The following NTRK1 variants were observed in gnomAD, a reference collection of about 807,000 sequenced individuals.
The protein encoded by NTRK1 is high affinity nerve growth factor receptor.
In NTRK1, 62 loss-of-function variants were observed where a neutral mutation model predicts 86.8. The ratio of observed to expected loss-of-function variants is 0.71; its 90% CI spans 0.58 to 0.88. The LOEUF (loss-of-function observed/expected upper bound fraction) is 0.88, where lower values mean the gene tolerates loss of function less well. NTRK1 is among the 40% of genes least tolerant of loss of function. The pLI is 0.00. For missense variants in NTRK1, 967 were observed against 1,078.4 expected (o/e 0.90, Z 1.45); for synonymous variants, 469 against 456.6 (o/e 1.03, Z -0.35).
chr1:156,868,518 G>A lies in NTRK1; in HGVS notation c.588G>A (p.Leu196=), dbSNP rs971243513. 1 of 1,558,984 alleles carries A rather than the reference G, an allele frequency of 6.4e-7. No homozygotes were observed. Among genetic ancestry groups the A allele is most frequent in the Non-Finnish European group, 8.7e-7 (1 of 1,151,192 alleles). The change falls in exon 6 of 17, where the codon CTG becomes CTA. Residue 196 remains leucine (L), a synonymous_variant. Transcript: ENST00000524377. The stretch of plus-strand genomic sequence containing the variant: ...CTGGGTGGCCAGGTGTGCCCACGCT[G>A]AAGGTCCAGGTGCCCAATGCCTCGG... The part of the protein sequence containing the change: ...MPNASCGVPT[L]KVQVPNASVD...
At chr1:156,847,837 C>T (rs762549342) in intron 2 of NTRK1, among the ~76,000 whole-genome samples, 3 of 152,094 alleles carry the variant, frequency 2.0e-5, no homozygotes, top group Non-Finnish European at 4.4e-5. Flanking sequence ...GTTAGGGAAG[C>T]TTGTTGAAGG....
chr1:156,816,632 C>G (rs1653964660), intron 1 of NTRK1: 4 of 1,588,482 alleles, frequency 2.5e-6, no homozygotes, highest in Non-Finnish European at 3.4e-6. Flanking sequence ...GGATGGGGGT[C>G]TTTGTGCCCC....
intron 1 of NTRK1, among the ~76,000 whole-genome samples, chr1:156,818,633 G>A (rs986855708): frequency 1.3e-5 from 2 of 152,168 alleles, no homozygotes; most frequent in Non-Finnish European, 2.9e-5. Context: ...CTCCAACCAA[G>A]ATACTGCAAA....
intron 15 of NTRK1, 139 bp downstream of exon 15, chr1:156,879,501 C>T (rs978391980): frequency 1.2e-5 from 14 of 1,160,752 alleles, no homozygotes; most frequent in Non-Finnish European, 1.7e-5. Flanking sequence ...CAACCTACCT[C>T]CTCGGCTCCT....
intron 2 of NTRK1, chr1:156,843,211 C>T (rs1322507662): frequency 6.2e-7 from 1 of 1,614,132 alleles, no homozygotes; most frequent in Non-Finnish European, 8.5e-7. Context: ...CCCGAGGCAC[C>T]TCCCATTCAT....
intron 1 of NTRK1, 21 bp downstream of exon 1, chr1:156,861,167 G>C (rs746647734): frequency 1.4e-5 from 21 of 1,537,658 alleles, no homozygotes; most frequent in Middle Eastern, 2.0e-4. Flanking sequence ...GGCGGGCGGT[G>C]GGGGGGCGCG....
intron 3 of NTRK1, among the ~76,000 whole-genome samples, chr1:156,866,422 G>A (rs1049170074): frequency 6.6e-6 from 1 of 152,184 alleles, no homozygotes; most frequent in Non-Finnish European, 1.5e-5. Context: ...CCCTGAGGAG[G>A]GCCCGGAAGG....
chr1:156,861,093 TG>T lies in NTRK1; in HGVS notation c.163del (p.Ala55ProfsTer14). ...CCTCGGGACTGCGATGCACCCGGGATGGGGCCCTGGATAGCCTCCACCACCT... is the reference window on the plus strand; with the variant it reads ...CCTCGGGACTGCGATGCACCCGGGATGGGCCCTGGATAGCCTCCACCACCT... ...GSSGLRCTRD[G>X]ALDSLHHLPG... On this transcript the variant is annotated frameshift_variant, in exon 1 of 17. Coordinates refer to ENST00000524377, the MANE Select transcript of NTRK1 (RefSeq NM_002529.4). LOFTEE classifies it high-confidence loss of function. 1 of 1,584,532 alleles carries T rather than the reference TG, an allele frequency of 6.3e-7. No homozygotes were observed. The highest frequency in any genetic ancestry group is 8.6e-7 in the Non-Finnish European group (1 of 1,169,492).
intron 1 of NTRK1, among the ~76,000 whole-genome samples, chr1:156,820,107 C>T (rs1164625445): frequency 2.6e-5 from 4 of 152,050 alleles, no homozygotes; most frequent in Non-Finnish European, 5.9e-5. Context: ...ATGGTTTCAG[C>T]CCTGAGATTT....
chr1:156,878,994 C>G, intron 14 of NTRK1, 128 bp from the exon 15 acceptor site: 3 of 1,092,104 alleles, frequency 2.7e-6, no homozygotes, highest in Non-Finnish European at 4.0e-6. Flanking sequence ...CTCTACTGTT[C>G]TCTCAATCCT....
intron 2 of NTRK1, among the ~76,000 whole-genome samples, chr1:156,850,838 T>G (rs1224002961): frequency 1.3e-5 from 2 of 151,610 alleles, no homozygotes; most frequent in African/African-American, 4.9e-5. Flanking sequence ...ATTACAGGTG[T>G]GAGCCACCGT....
chr1:156,826,536 G>A (rs932715823), intron 1 of NTRK1, among the ~76,000 whole-genome samples: 4 of 152,040 alleles, frequency 2.6e-5, no homozygotes, highest in East Asian at 3.9e-4. Flanking sequence ...TGATCCGCCC[G>A]CCTCGGCCTC....
In NTRK1 at chr1:156,866,796, G is replaced by A. The variant is rs972431768; in HGVS notation, c.360-114G>A. On this transcript the variant is annotated intron_variant, in intron 3 of 16. Coordinates refer to ENST00000524377, the MANE Select transcript of NTRK1 (RefSeq NM_002529.4). ...AGGGCTGGTTCTGGTTGCCTAGGCC[G>A]GGGCGGGGGAGCCAGATGTCAACTT... The A allele has an allele frequency of 2.8e-5, 32 of 1,142,702 alleles. No individual in the cohort carries two copies. The East Asian group carries it at 3.1e-4, about 11-fold the overall frequency. 70.8% of individuals were successfully genotyped at this position (1,142,702 alleles called of 1,614,324 possible).
intron 2 of NTRK1, chr1:156,843,369 T>C: frequency 1.3e-6 from 2 of 1,592,102 alleles, no homozygotes; most frequent in South Asian, 2.2e-5. Context: ...GAAGTCTGTC[T>C]CTGCTCCTCT....
chr1:156,851,371 T>C lies in NTRK1; in HGVS notation c.50+9178T>C, dbSNP rs201045649. 3.7e-5 allele frequency: 60 copies of C among 1,614,156 alleles called. No individual in the cohort carries two copies. In the East Asian group the frequency reaches 1.2e-3, roughly 32 times the overall value. ...CACGAGGGCAAAGGAGTGCTTGATTTTGAGGAAGCCAGTAATGGTTTCTAC... is the reference window on the plus strand; with the variant it reads ...CACGAGGGCAAAGGAGTGCTTGATTCTGAGGAAGCCAGTAATGGTTTCTAC... On this transcript the variant is annotated intron_variant, in intron 2 of 16. Transcript: ENST00000392302.
At chr1:156,871,584 A>C (rs1195240295) in intron 6 of NTRK1, 39 bp from the exon 7 acceptor site, 1 of 1,613,242 alleles carries the variant, frequency 6.2e-7, no homozygotes, top group Admixed American at 1.7e-5. Flanking sequence ...CAAGCTGGCT[A>C]AAGCTCCTTC....
At chr1:156,855,657 T>C (rs930607522) in intron 2 of NTRK1, among the ~76,000 whole-genome samples, 1 of 151,506 alleles carries the variant, frequency 6.6e-6, no homozygotes, top group African/African-American at 2.4e-5. Flanking sequence ...ACCCCACCTC[T>C]AAAAAAAATA....
chr1:156,829,934 T>G (rs1335679274), intron 1 of NTRK1, among the ~76,000 whole-genome samples: 1 of 152,226 alleles, frequency 6.6e-6, no homozygotes, highest in Non-Finnish European at 1.5e-5. Context: ...ATTACAGGCA[T>G]GAGCCACTAC....
chr1:156,862,228 C>A (rs1344969235), intron 1 of NTRK1, among the ~76,000 whole-genome samples: 1 of 152,118 alleles, frequency 6.6e-6, no homozygotes, highest in African/African-American at 2.4e-5. Flanking sequence ...TTGGGTATCT[C>A]ATGGTAATTA....
Sources: gnomAD v4.1 joint callset for allele counts (sites outside exome capture counted in the v4.1 genomes callset) on GRCh38, gnomAD v4.1.1 for gene constraint, MANE v1.5 for transcripts, NCBI Gene and HGNC (gene_info 2026-07-23, HGNC 2026-07-21) for gene names.